Variants in FLT3 observed in about 807,000 individuals in gnomAD.
FLT3 encodes fms related receptor tyrosine kinase 3, also known as receptor-type tyrosine-protein kinase FLT3.
A neutral mutation model predicts 126.6 loss-of-function variants in FLT3; 46 were observed. The observed-to-expected ratio is 0.36, with a 90% confidence interval of 0.29 to 0.46. The LOEUF is 0.46. Ranked by LOEUF, FLT3 falls within the 20% of genes least tolerant of loss-of-function variation. The pLI is 1.00. For synonymous variants in FLT3, 404 were observed against 434.4 expected (o/e 0.93, Z 0.87); for missense variants, 1,069 against 1,190.3 (o/e 0.90, Z 1.50).
intron 1 of FLT3, among the ~76,000 whole-genome samples, chr13:28,073,005 T>TAA (rs368386266): frequency 7.3e-6 from 1 of 136,556 alleles, no homozygotes; most frequent in African/African-American, 2.7e-5. Flanking sequence ...ACTCCGTCTC[T>TAA]AAAAAAAAAA....
chr13:28,091,293 C>T (rs1324408734), intron 1 of FLT3, among the ~76,000 whole-genome samples: 3 of 130,646 alleles, frequency 2.3e-5, no homozygotes, highest in African/African-American at 5.8e-5. Flanking sequence ...GCGATCTCGG[C>T]TCACTGCAAG....
intron 2 of FLT3, among the ~76,000 whole-genome samples, 186 bp downstream of exon 2, chr13:28,070,305 C>T (rs1446614990): frequency 5.3e-5 from 8 of 152,046 alleles, no homozygotes; most frequent in African/African-American, 7.2e-5. Context: ...ATGAAGAATA[C>T]GGTTCTTGAA....
chr13:28,065,554 A>T (rs1424477593), intron 2 of FLT3, among the ~76,000 whole-genome samples: 2 of 152,060 alleles, frequency 1.3e-5, no homozygotes, highest in Non-Finnish European at 2.9e-5. Flanking sequence ...AGGCAGGAGG[A>T]TTGCTTGAGC....
chr13:28,086,618 T>TTG (rs1593302717), intron 1 of FLT3, among the ~76,000 whole-genome samples: 2 of 123,994 alleles, frequency 1.6e-5, no homozygotes, highest in African/African-American at 6.8e-5. Context: ...TCTGAAGAAC[T>TTG]CGTGTGTGTG....
At chr13:28,062,138 A>G in intron 2 of FLT3, 69 bp from the exon 3 acceptor site, 1 of 1,204,266 alleles carries the variant, frequency 8.3e-7, no homozygotes, top group Non-Finnish European at 1.2e-6. Flanking sequence ...TCTTCACATC[A>G]AAACTTTATC....
chr13:28,030,895 C>A lies in FLT3; in HGVS notation c.1943-2607G>T, dbSNP rs142571832. ...CTCCAGCCTGGGTGACAGAGTGAGA[C>A]CCTATCTCAAAAAAAGAAAAAAGAA... On this transcript the variant is annotated intron_variant, in intron 15 of 23. Transcript: ENST00000241453. Among the ~76,000 whole-genome samples the A allele has an allele frequency of 9.2e-3, 1,387 of 151,324 alleles. 23 individuals carry two copies. Among genetic ancestry groups the A allele is most frequent in the African/African-American group, 0.032 (1,317 of 41,232 alleles).
chr13:28,059,812 T>C (rs896274482), intron 3 of FLT3, among the ~76,000 whole-genome samples: 14 of 151,738 alleles, frequency 9.2e-5, no homozygotes, highest in Non-Finnish European at 1.6e-4. Flanking sequence ...ATACAAACAT[T>C]AGCTGGGCGT....
At position 28,100,230 on chromosome 13, in the gene FLT3, G is replaced by A. The variant is rs1879731010; in HGVS notation, c.43+238C>T. Among the ~76,000 whole-genome samples, 1 of 152,154 alleles carries A rather than the reference G, an allele frequency of 6.6e-6. No homozygotes were observed. The highest frequency in any genetic ancestry group is 2.4e-5 in the African/African-American group (1 of 41,462). On this transcript the variant is annotated intron_variant, in intron 1 of 23. Transcript: ENST00000241453. This position sits in a 1 kb window ranked among gnomAD's most constrained non-coding sequence, Gnocchi z 4.8. ...CCACTCGGGACCGCGGCCCGAGCCA[G>A]AGGAGAGACTTCGGAGAAGAGGGAA...
chr13:28,084,807 A>C (rs981071655), intron 1 of FLT3, among the ~76,000 whole-genome samples: 21 of 151,696 alleles, frequency 1.4e-4, no homozygotes, highest in Middle Eastern at 3.4e-3. Context: ...AACCCCGTCT[A>C]TACTAAAAAT....
intron 15 of FLT3, among the ~76,000 whole-genome samples, chr13:28,033,233 C>G (rs976658477): frequency 6.7e-6 from 1 of 149,494 alleles, no homozygotes; most frequent in Non-Finnish European, 1.5e-5. Flanking sequence ...CCAAGGAGGT[C>G]GAGGCTGCAG....
intron 16 of FLT3, 88 bp from the exon 17 acceptor site, chr13:28,027,329 G>A (rs2137653064): frequency 9.3e-7 from 1 of 1,071,056 alleles, no homozygotes; most frequent in East Asian, 2.5e-5. Context: ...ACTCTTAGGA[G>A]GGCTTGGTTC....
chr13:28,033,328 C>T (rs935910208), intron 15 of FLT3, among the ~76,000 whole-genome samples: 1 of 138,540 alleles, frequency 7.2e-6, no homozygotes, highest in Non-Finnish European at 1.6e-5. Context: ...TAAGAAAGAA[C>T]TTCTGCCTGT....
In FLT3 at chr13:28,070,376, T is replaced by G. The variant is rs554936036; in HGVS notation, c.165+115A>C. 46 of 814,174 alleles carry G rather than the reference T, an allele frequency of 5.6e-5. No homozygotes were observed. In the African/African-American group the frequency reaches 7.5e-4, roughly 13 times the overall value. The allele number at this position is 814,174 out of a possible 1,614,324, so 50.4% of individuals were successfully genotyped here. The stretch of plus-strand genomic sequence containing the variant: ...TCTGTTGGTACCAGATGTGAGGCCA[T>G]AATATACTTAAATACATAAAGAGAA... On this transcript the variant is annotated intron_variant, in intron 2 of 23. Transcript: ENST00000241453.
At chr13:28,088,470 TAG>T (rs956337631) in intron 1 of FLT3, among the ~76,000 whole-genome samples, 3 of 151,968 alleles carry the variant, frequency 2.0e-5, no homozygotes, top group Non-Finnish European at 4.4e-5. Flanking sequence ...GTATTTTTAC[TAG>T]AGACAGGGTT....
Position 28,018,525 on chromosome 13 carries a change from C to T in FLT3, c.2483G>A (p.Cys828Tyr), listed in dbSNP as rs776386970. 6.2e-7 allele frequency: 1 copy of T among 1,614,194 alleles called. No individual in the cohort carries two copies. The highest frequency in any genetic ancestry group is 8.5e-7 in the Non-Finnish European group (1 of 1,180,008). ...GATATCTCGAGCCAATCCAAAGTCACATATCTTCACCACTTTCCCGTGGGT... is the reference window on the plus strand; with the variant it reads ...GATATCTCGAGCCAATCCAAAGTCATATATCTTCACCACTTTCCCGTGGGT... Reference protein sequence around the residue: ...LVTHGKVVKICDFGLARDIMS... With the variant: ...LVTHGKVVKIYDFGLARDIMS... Residue 828 changes from cysteine to tyrosine, a missense_variant, in exon 20 of 24, where the codon TGT (cysteine) becomes TAT (tyrosine). Coordinates refer to ENST00000241453, the MANE Select transcript of FLT3 (RefSeq NM_004119.3).
intron 17 of FLT3, among the ~76,000 whole-genome samples, 198 bp downstream of exon 17, chr13:28,026,890 T>G (rs1250650427): frequency 2.0e-5 from 3 of 152,142 alleles, no homozygotes; most frequent in East Asian, 1.9e-4. Context: ...TCAGCTATAG[T>G]ACCTGTACTG....
chr13:28,079,767 C>T (rs866462976), intron 1 of FLT3, among the ~76,000 whole-genome samples: 3 of 152,228 alleles, frequency 2.0e-5, no homozygotes, highest in Non-Finnish European at 2.9e-5. Context: ...CCAGCCCCCA[C>T]GATTCAATTA....
chr13:28,015,603 T>C lies in FLT3; in HGVS notation c.2640A>G (p.Glu880=), dbSNP rs1332212777. The C allele has an allele frequency of 1.2e-6, 2 of 1,607,614 alleles. No homozygotes were observed. Among genetic ancestry groups the C allele is most frequent in the South Asian group, 1.1e-5 (1 of 90,772 alleles). Residue 880 remains glutamate (E), a synonymous_variant, in exon 21 of 24, where the codon GAA becomes GAG. Transcript: ENST00000241453. ...DVWSYGILLW[E]IFSLGVNPYP... ...TGCCCAACTTACCAAGTGAGAAGAT[T>C]TCCCACAGTAATATTCCATATGACC...
intron 1 of FLT3, among the ~76,000 whole-genome samples, chr13:28,071,620 A>G (rs12428172): frequency 0.4 from 61,266 of 151,972 alleles, 15,133 homozygotes; most frequent in East Asian, 0.56. Context: ...CCTAAGCTCT[A>G]TGATGTGGCT....
Sources: gnomAD v4.1 joint callset for allele counts (sites outside exome capture counted in the v4.1 genomes callset) on GRCh38, gnomAD v4.1.1 for gene constraint, Gnocchi (gnomAD v3.1) non-coding constraint, MANE v1.5 for transcripts, NCBI Gene and HGNC (gene_info 2026-07-23, HGNC 2026-07-21) for gene names.